The following MGAT4C variants were observed in gnomAD, a reference collection of about 807,000 sequenced individuals.
MGAT4C encodes alpha-1,3-mannosyl-glycoprotein 4-beta-N-acetylglucosaminyltransferase C.
In MGAT4C, 19 loss-of-function variants were observed where a neutral mutation model predicts 40.1. The observed-to-expected ratio is 0.47, with a 90% CI of 0.33 to 0.70. The LOEUF (loss-of-function observed/expected upper bound fraction) is 0.70. MGAT4C is among the 30% of genes least tolerant of loss of function. The probability of loss-of-function intolerance (pLI) is 0.02; values close to 1 mark genes in which losing one functional copy is unlikely to be tolerated. For synonymous variants in MGAT4C, 181 were observed against 187.1 expected, an observed-to-expected ratio of 0.97 and a Z score of 0.27; for missense variants, 491 against 563.2, an observed-to-expected ratio of 0.87 and a Z score of 1.30.
intron 2 of MGAT4C, among the ~76,000 whole-genome samples, chr12:86,584,817 A>G (rs141211677): frequency 6.1e-4 from 93 of 151,492 alleles, no homozygotes; most frequent in African/African-American, 2.1e-3. Context: ...AATAGATTTC[A>G]TTATTTCAAT....
At chr12:86,534,391 G>A (rs1959036356) in intron 2 of MGAT4C, among the ~76,000 whole-genome samples, 1 of 152,048 alleles carries the variant, frequency 6.6e-6, no homozygotes, top group African/African-American at 2.4e-5. Flanking sequence ...CTGAACTAAT[G>A]TATACCTTAC....
At chr12:86,152,234 T>C (rs1416537315) in intron 1 of MGAT4C, among the ~76,000 whole-genome samples, 1 of 152,240 alleles carries the variant, frequency 6.6e-6, no homozygotes. Context: ...TGAGACTGAA[T>C]AGTTTATAAA....
chr12:86,238,193 TTAGAG>T (rs1566198548), intron 1 of MGAT4C, among the ~76,000 whole-genome samples: 1 of 151,944 alleles, frequency 6.6e-6, no homozygotes, highest in African/African-American at 2.4e-5. Flanking sequence ...ATCCTTCATG[TTAGAG>T]TAGACAAAGC....
Position 86,682,962 on chromosome 12 carries a change from C to A in MGAT4C, c.-229+44247G>T, listed in dbSNP as rs1054710536. Among the ~76,000 whole-genome samples the A allele has an allele frequency of 2.0e-5, 3 of 152,160 alleles. 1 individual carries two copies. Among genetic ancestry groups the A allele is most frequent in the Admixed American group, 2.0e-4 (3 of 15,268 alleles). On this transcript the variant is annotated intron_variant, in intron 2 of 7. Transcript: ENST00000548651. The stretch of plus-strand genomic sequence containing the variant: ...TATTATGTAGGTATGTCAACTTAGA[C>A]TGCTCCAGTTTTCTTCTGAAACTTT...
At chr12:86,735,021 A>AT (rs1950963556) in intron 1 of MGAT4C, among the ~76,000 whole-genome samples, 1 of 152,048 alleles carries the variant, frequency 6.6e-6, no homozygotes, top group South Asian at 2.1e-4. Context: ...AAGAAACATG[A>AT]TTTTTTGTGT....
At chr12:86,071,319 A>G (rs996829109) in intron 1 of MGAT4C, among the ~76,000 whole-genome samples, 1 of 152,114 alleles carries the variant, frequency 6.6e-6, no homozygotes. Flanking sequence ...TAGAAACCAA[A>G]TCCAGAGGAT....
At chr12:86,107,890 C>T (rs1400926669) in intron 1 of MGAT4C, among the ~76,000 whole-genome samples, 1 of 151,958 alleles carries the variant, frequency 6.6e-6, no homozygotes, top group Non-Finnish European at 1.5e-5. Context: ...GGAATTCTCA[C>T]AAATGTTACT....
chr12:86,710,676 C>T (rs922841376), intron 2 of MGAT4C, among the ~76,000 whole-genome samples: 16 of 152,086 alleles, frequency 1.1e-4, no homozygotes, highest in Non-Finnish European at 4.4e-5. Flanking sequence ...TCCAGCAATC[C>T]CACTACTGGG....
intron 3 of MGAT4C, among the ~76,000 whole-genome samples, chr12:86,412,601 T>A (rs1335304206): frequency 6.6e-6 from 1 of 152,136 alleles, no homozygotes; most frequent in African/African-American, 2.4e-5. Context: ...GTAACTAAAT[T>A]ATTTTGATTT....
chr12:86,020,347 T>C (rs1889569967), intron 2 of MGAT4C, among the ~76,000 whole-genome samples: 1 of 152,170 alleles, frequency 6.6e-6, no homozygotes, highest in East Asian at 1.9e-4. Context: ...ATAGCTCTTA[T>C]ACAGTAACCA....
chr12:86,242,733 A>T (rs1212822692), intron 1 of MGAT4C, among the ~76,000 whole-genome samples: 1 of 152,094 alleles, frequency 6.6e-6, no homozygotes, highest in African/African-American at 2.4e-5. Flanking sequence ...TGTCCCATCC[A>T]ACCTTACCTT....
rs200486153 is a variant in MGAT4C at position 86,681,577 on chromosome 12, G to GA, written c.-229+45631dup. Among the ~76,000 whole-genome samples, 433 of 148,088 alleles carry GA rather than the reference G, an allele frequency of 2.9e-3. 1 individual carries two copies. The highest frequency in any genetic ancestry group is 9.9e-3 in the African/African-American group (402 of 40,504). ...CTATGCTAGTTGCTTAGAGCAAAAAGAAAAAAAAAGAATAGGAAATTTTCA... is the reference window on the plus strand; with the variant it reads ...CTATGCTAGTTGCTTAGAGCAAAAAGAAAAAAAAAAGAATAGGAAATTTTCA... On this transcript the variant is annotated intron_variant, in intron 2 of 7. Transcript: ENST00000548651.
intron 4 of MGAT4C, among the ~76,000 whole-genome samples, chr12:86,324,699 GT>G (rs910108801): frequency 6.8e-5 from 10 of 147,666 alleles, no homozygotes; most frequent in East Asian, 5.9e-4. Flanking sequence ...AACGAGAGTT[GT>G]TTTTTTTTTC....
chr12:86,338,958 CAAAAAA>C (rs67462771), intron 3 of MGAT4C, among the ~76,000 whole-genome samples: 1 of 66,118 alleles, frequency 1.5e-5, no homozygotes, highest in Admixed American at 2.4e-4. Flanking sequence ...GACTCCATCT[CAAAAAA>C]AAAAAAAAAA....
At chr12:86,655,323 C>T (rs1290923905) in intron 2 of MGAT4C, among the ~76,000 whole-genome samples, 2 of 152,070 alleles carry the variant, frequency 1.3e-5, no homozygotes, top group Non-Finnish European at 2.9e-5. Context: ...TCCCCTTCAA[C>T]TCCATTCAAC....
chr12:86,649,218 C>T (rs1216189660), intron 2 of MGAT4C, among the ~76,000 whole-genome samples: 1 of 151,756 alleles, frequency 6.6e-6, no homozygotes, highest in African/African-American at 2.4e-5. Context: ...TCTGAATGCC[C>T]TTCCCTGAAT....
At chr12:86,115,471 TAGA>T (rs1230355898) in intron 1 of MGAT4C, among the ~76,000 whole-genome samples, 13 of 152,032 alleles carry the variant, frequency 8.6e-5, no homozygotes, top group Non-Finnish European at 1.5e-5. Flanking sequence ...TAGAATAGAC[TAGA>T]AGAATAGTAT....
intron 4 of MGAT4C, among the ~76,000 whole-genome samples, chr12:86,318,657 T>C (rs1954303225): frequency 6.6e-6 from 1 of 152,180 alleles, no homozygotes. Flanking sequence ...CTGACTATAT[T>C]ATACTATGTT....
chr12:86,647,261 C>T (rs894730160), intron 2 of MGAT4C, among the ~76,000 whole-genome samples: 2 of 151,670 alleles, frequency 1.3e-5, no homozygotes, highest in African/African-American at 4.8e-5. Context: ...TTAAATTTGG[C>T]GTGGATTTTA....
Sources: allele counts gnomAD v4.1 joint callset (sites outside exome capture counted in the v4.1 genomes callset), GRCh38; gene constraint gnomAD v4.1.1; transcripts MANE v1.5; gene names NCBI Gene and HGNC (gene_info 2026-07-23, HGNC 2026-07-21).